KLHL22: variants seen among roughly 807,000 people sequenced by gnomAD.
KLHL22 encodes the protein kelch like family member 22, also known as kelch-like protein 22.
A neutral mutation model predicts 60.7 loss-of-function variants in KLHL22; 18 were observed. That is an observed-to-expected ratio of 0.30 (90% CI 0.20 to 0.44). The LOEUF (loss-of-function observed/expected upper bound fraction) is 0.44, where lower values mean the gene tolerates loss of function less well. Among genes scored for constraint, KLHL22 ranks in the 20% least tolerant of loss-of-function variants. The pLI, the probability that KLHL22 is intolerant of heterozygous loss-of-function variation, is 1.00. For synonymous variants in KLHL22, 355 were observed against 354.5 expected (o/e 1.00, Z -0.01); for missense variants, 596 against 852.3 (o/e 0.70, Z 3.74).
chr22:20,484,716 G>A (rs2053558932), intron 2 of KLHL22, among the ~76,000 whole-genome samples: 3 of 150,290 alleles, frequency 2.0e-5, no homozygotes, highest in Admixed American at 6.6e-5. Context: ...ATAGGTGTGA[G>A]CCACTGTGCT....
At chr22:20,477,401 G>A (rs370088400) in intron 2 of KLHL22, among the ~76,000 whole-genome samples, 5 of 151,176 alleles carry the variant, frequency 3.3e-5, no homozygotes, top group African/African-American at 1.2e-4. Flanking sequence ...AGAAAAAGAA[G>A]GGAAAAAAAA....
At chr22:20,466,550 A>T (rs935859105) in intron 3 of KLHL22, among the ~76,000 whole-genome samples, 1 of 152,042 alleles carries the variant, frequency 6.6e-6, no homozygotes, top group East Asian at 1.9e-4. Context: ...CCAGAAACAA[A>T]CCTGGCTTTT....
At chr22:20,488,696 G>GGAGGGGAGGGGAGGAGAT in intron 2 of KLHL22, 1 of 482,644 alleles carries the variant, frequency 2.1e-6, no homozygotes, top group Non-Finnish European at 3.8e-6. Context: ...GGGGAGGAGA[G>GGAGGGGAGGGGAGGAGAT]AAAGGAGGAA....
intron 2 of KLHL22, 148 bp from the exon 3 acceptor site, chr22:20,471,663 T>A: frequency 1.3e-6 from 1 of 751,948 alleles, no homozygotes; most frequent in Admixed American, 2.6e-5. Context: ...GAGTGAACTG[T>A]GTGCATGCAT....
In KLHL22 at chr22:20,489,002, C is replaced by A; in HGVS notation, c.210G>T (p.Ala70=). Residue 70 remains alanine, a synonymous_variant, in exon 2 of 7, where the codon GCG becomes GCT. Coordinates refer to ENST00000328879, the MANE Select transcript of KLHL22 (RefSeq NM_032775.4). ...HIEAHRILLA[A]SCDYFRGMFA... ...GAACTCACCTGAAGTAATCGCAGGA[C>A]GCAGCCAGCAGGATGCGATGGGCCT... is the stretch of plus-strand genomic sequence containing the variant. 1 of 1,613,880 alleles carries A rather than the reference C, an allele frequency of 6.2e-7. No individual in the cohort carries two copies. Among genetic ancestry groups the A allele is most frequent in the Non-Finnish European group, 8.5e-7 (1 of 1,180,012 alleles).
At chr22:20,445,840 T>C (rs1310368394) in intron 6 of KLHL22, among the ~76,000 whole-genome samples, 1 of 152,114 alleles carries the variant, frequency 6.6e-6, no homozygotes, top group Admixed American at 6.5e-5. Flanking sequence ...CTCAGCTTAC[T>C]GAAACCTCTG....
At chr22:20,460,436 G>A (rs1027535381) in intron 4 of KLHL22, among the ~76,000 whole-genome samples, 7 of 151,762 alleles carry the variant, frequency 4.6e-5, no homozygotes, top group South Asian at 2.1e-4. Flanking sequence ...GTGAAACCCC[G>A]TCTCCACTAA....
intron 5 of KLHL22, among the ~76,000 whole-genome samples, chr22:20,453,262 T>A (rs964781267): frequency 1.3e-5 from 2 of 152,212 alleles, no homozygotes; most frequent in Non-Finnish European, 1.5e-5. Flanking sequence ...TTCTTCTTCT[T>A]TTTTTCTAGA....
At position 20,446,468 on chromosome 22, in the gene KLHL22, G is replaced by T; in HGVS notation, c.1514C>A (p.Ala505Asp). The T allele has an allele frequency of 6.2e-7, 1 of 1,610,290 alleles. No individual in the cohort carries two copies. Among genetic ancestry groups the T allele is most frequent in the Non-Finnish European group, 8.5e-7 (1 of 1,178,900 alleles). The change falls in exon 6 of 7, where the codon GCC becomes GAC. Residue 505 changes from alanine (A) to aspartate (D), a missense_variant. Transcript: ENST00000328879. ...LYVIGGSNND[A>D]GYRRDVHQVA... ...CTGGTGCACGTCCCTCCTGTATCCG[G>T]CATCGTTGTTGCTGCCCCCGATCAC...
At chr22:20,456,567 TC>T (rs1470326590) in intron 5 of KLHL22, 8 of 152,290 alleles carry the variant, frequency 5.3e-5, no homozygotes, top group Admixed American at 5.2e-4. Flanking sequence ...GCCCTCCTTG[TC>T]CACTTGGTCT....
At position 20,450,423 on chromosome 22, in the gene KLHL22, T is replaced by C. The variant is rs971324872; in HGVS notation, c.1306-3747A>G. On this transcript the variant is annotated intron_variant, in intron 5 of 6. Transcript: ENST00000328879. ...GAAACAGTACATGTGACATGGAGAATGTACAGGAACTGCTTCCTGCAGCCT... is the reference window on the plus strand; with the variant it reads ...GAAACAGTACATGTGACATGGAGAACGTACAGGAACTGCTTCCTGCAGCCT... The C allele has an allele frequency of 1.2e-5, 18 of 1,521,792 alleles. No individual in the cohort carries two copies. The African/African-American group carries it at 2.3e-4, about 20-fold the overall frequency. The allele number at this position is 1,521,792 out of a possible 1,614,324, so 94.3% of individuals were successfully genotyped here. A position where few individuals can be genotyped will look rare whatever the true frequency, so the allele number is the denominator to read the frequency against.
intron 4 of KLHL22, among the ~76,000 whole-genome samples, chr22:20,460,602 C>A (rs1276142744): frequency 1.1e-5 from 1 of 87,894 alleles, no homozygotes; most frequent in East Asian, 3.9e-4. Flanking sequence ...GAGTGAAACT[C>A]CATCCCCCAA....
intron 5 of KLHL22, among the ~76,000 whole-genome samples, chr22:20,452,926 A>G (rs2053002146): frequency 6.6e-6 from 1 of 152,222 alleles, no homozygotes; most frequent in Admixed American, 6.5e-5. Context: ...TTTTTCTGCT[A>G]TAAGTTTTCC....
At chr22:20,488,761 GGAAGA>G in intron 2 of KLHL22, 1 of 585,394 alleles carries the variant, frequency 1.7e-6, no homozygotes, top group Non-Finnish European at 3.0e-6. Context: ...GAGAAGAGAG[GGAAGA>G]GAAGAGGAGG....
intron 5 of KLHL22, chr22:20,451,807 G>A: frequency 3.1e-6 from 5 of 1,603,884 alleles, no homozygotes; most frequent in Non-Finnish European, 4.3e-6. Context: ...TGGTGTGTGT[G>A]TTCTCCACAA....
At chr22:20,460,081 GC>G (rs1410707270) in intron 4 of KLHL22, among the ~76,000 whole-genome samples, 1 of 152,180 alleles carries the variant, frequency 6.6e-6, no homozygotes, top group Non-Finnish European at 1.5e-5. Context: ...ACTCACAGGG[GC>G]CCCGTCAACT....
chr22:20,486,268 G>A (rs2053586098), intron 2 of KLHL22, among the ~76,000 whole-genome samples: 1 of 151,818 alleles, frequency 6.6e-6, no homozygotes, highest in Non-Finnish European at 1.5e-5. Context: ...GCCCTTTGCT[G>A]AGTCCCCACG....
At chr22:20,478,927 G>A (rs1032812627) in intron 2 of KLHL22, among the ~76,000 whole-genome samples, 1 of 151,310 alleles carries the variant, frequency 6.6e-6, no homozygotes, top group Non-Finnish European at 1.5e-5. Flanking sequence ...TCAGGAGTTC[G>A]AGACCAACTT....
intron 2 of KLHL22, among the ~76,000 whole-genome samples, chr22:20,480,468 G>A (rs2053480679): frequency 6.6e-6 from 1 of 152,180 alleles, no homozygotes; most frequent in South Asian, 2.1e-4. Context: ...TCTACTGCTG[G>A]TGCCTGGGAC....
Sources: allele counts gnomAD v4.1 joint callset (sites outside exome capture counted in the v4.1 genomes callset), GRCh38; gene constraint gnomAD v4.1.1; transcripts MANE v1.5; gene names NCBI Gene and HGNC (gene_info 2026-07-23, HGNC 2026-07-21).